The following CCDC102A variants were observed in gnomAD, a reference collection of about 807,000 sequenced individuals.
CCDC102A encodes the protein coiled-coil domain-containing protein 102A.
A neutral mutation model predicts 55.5 loss-of-function variants in CCDC102A; 40 were observed. The observed-to-expected ratio is 0.72, with a 90% CI of 0.56 to 0.94. The LOEUF (loss-of-function observed/expected upper bound fraction) is 0.94, where lower values mean the gene tolerates loss of function less well. Among genes scored for constraint, CCDC102A ranks in the 40% least tolerant of loss-of-function variants. The pLI is 0.00. For synonymous variants in CCDC102A, 323 were observed against 339.0 expected (o/e 0.95, Z 0.52); for missense variants, 779 against 768.6 (o/e 1.01, Z -0.16).
chr16:57,535,662 G>T (rs1188864267), intron 1 of CCDC102A, among the ~76,000 whole-genome samples: 2 of 119,430 alleles, frequency 1.7e-5, no homozygotes, highest in Non-Finnish European at 3.3e-5. Flanking sequence ...CGGCAACACC[G>T]TGAACTCTTC....
intron 1 of CCDC102A, among the ~76,000 whole-genome samples, chr16:57,530,245 C>T (rs1191116035): frequency 1.3e-5 from 2 of 152,154 alleles, no homozygotes; most frequent in Admixed American, 6.5e-5. Flanking sequence ...TTCAGCCTCC[C>T]CATCGCCCAG....
chr16:57,515,407 C>T lies in CCDC102A; in HGVS notation c.1457G>A (p.Arg486Gln), dbSNP rs755446173. ...EAHNQARKLQ[R>Q]SLDEQTEQSE... ...CTGCTCCGTCTGCTCGTCCAGCGACCGCTGCAGCTTACGTGCCTGGTTGTG... is the reference window on the plus strand; with the variant it reads ...CTGCTCCGTCTGCTCGTCCAGCGACTGCTGCAGCTTACGTGCCTGGTTGTG... Residue 486 changes from arginine to glutamine, a missense_variant, in exon 8 of 9, where the codon CGG becomes CAG. Arg to Gln is a conservative substitution (Grantham distance 43). Transcript: ENST00000258214. 5 of 1,609,062 alleles carry T rather than the reference C, an allele frequency of 3.1e-6. No homozygotes were observed. The highest frequency in any genetic ancestry group is 4.2e-6 in the Non-Finnish European group (5 of 1,179,104).
At chr16:57,521,009 G>A (rs969247358) in intron 4 of CCDC102A, 59 bp downstream of exon 4, 115 of 1,074,152 alleles carry the variant, frequency 1.1e-4, no homozygotes, top group Non-Finnish European at 1.4e-4. Context: ...CTCCACTACT[G>A]AAATTCAACA....
chr16:57,512,217 C>T lies in CCDC102A; in HGVS notation c.*524G>A. 2.6e-6 allele frequency: 1 copy of T among 390,612 alleles called. No homozygotes were observed. Among genetic ancestry groups the T allele is most frequent in the Non-Finnish European group, 4.5e-6 (1 of 221,822 alleles). The allele number at this position is 390,612 out of a possible 1,614,324, so 24.2% of individuals were successfully genotyped here. ...TCATTTATTAAGTTACTTGACATTC[C>T]TGAGCTCTGGTTCAGCGTCAGGTGC... On this transcript the variant is annotated 3_prime_UTR_variant, in exon 9 of 9. Coordinates refer to ENST00000258214, the MANE Select transcript of CCDC102A (RefSeq NM_033212.4).
In CCDC102A at chr16:57,528,754, C is replaced by A. The variant is rs781545736; in HGVS notation, c.424G>T (p.Glu142Ter). ...CACTCGCCCTGCGCCTCTTGGCGCT[C>A]GCGCCGTGCGCCCGCCAGCTCCTTG... is the stretch of plus-strand genomic sequence containing the variant. ...LTKELAGARR[E>*]RQEAQGECEA... The change falls in exon 2 of 9, where the codon GAG becomes TAG. Residue 142 changes from glutamate to a stop codon, truncating the protein, a stop_gained. Coordinates refer to ENST00000258214, the MANE Select transcript of CCDC102A (RefSeq NM_033212.4). LOFTEE classifies it high-confidence loss of function. The A allele has an allele frequency of 2.0e-5, 24 of 1,175,774 alleles. No individual in the cohort carries two copies. The highest frequency in any genetic ancestry group is 2.5e-5 in the Non-Finnish European group (24 of 944,464). 72.8% of individuals were successfully genotyped at this position (1,175,774 alleles called of 1,614,324 possible).
intron 8 of CCDC102A, among the ~76,000 whole-genome samples, chr16:57,514,805 G>A (rs1315264495): frequency 6.6e-6 from 1 of 152,124 alleles, no homozygotes; most frequent in Non-Finnish European, 1.5e-5. Flanking sequence ...GGAGGGACGT[G>A]GACTGAAGTT....
At chr16:57,515,917 A>C (rs2031946632) in intron 7 of CCDC102A, among the ~76,000 whole-genome samples, 1 of 151,624 alleles carries the variant, frequency 6.6e-6, no homozygotes, top group African/African-American at 2.4e-5. Context: ...CCACTGACCC[A>C]GTCAGCTGTC....
chr16:57,529,366 A>G lies in CCDC102A; in HGVS notation c.-147-42T>C. The stretch of plus-strand genomic sequence containing the variant: ...CCGTTATTGGACTGCGACCACCGTC[A>G]GTCTCGAAGATCAGCCGCGCCAAGG... On this transcript the variant is annotated intron_variant, in intron 1 of 8. Transcript: ENST00000258214. The surrounding 1 kb of genome is among the most constrained non-coding windows in gnomAD (Gnocchi z 4.1). 1 of 716,600 alleles carries G rather than the reference A, an allele frequency of 1.4e-6. No homozygotes were observed. Among genetic ancestry groups the G allele is most frequent in the Non-Finnish European group, 1.8e-6 (1 of 555,244 alleles). The allele number at this position is 716,600 out of a possible 1,614,324, so 44.4% of individuals were successfully genotyped here.
At chr16:57,534,662 G>A (rs1483244124) in intron 1 of CCDC102A, among the ~76,000 whole-genome samples, 1 of 152,160 alleles carries the variant, frequency 6.6e-6, no homozygotes, top group Non-Finnish European at 1.5e-5. Context: ...CGTGATGGAT[G>A]GAAGGTACCC....
chr16:57,533,614 G>A (rs568746903), intron 1 of CCDC102A, among the ~76,000 whole-genome samples: 5 of 145,842 alleles, frequency 3.4e-5, no homozygotes, highest in South Asian at 4.4e-4. Context: ...CCAGGGACCC[G>A]CACTCACACA....
intron 1 of CCDC102A, among the ~76,000 whole-genome samples, chr16:57,530,353 C>T (rs1034465528): frequency 5.3e-5 from 8 of 152,212 alleles, no homozygotes; most frequent in African/African-American, 1.9e-4. Flanking sequence ...ACTGCGGCCT[C>T]TGTTGACTGC....
In CCDC102A at chr16:57,529,375, G is replaced by T. The variant is rs2032209924; in HGVS notation, c.-147-51C>A. The T allele has an allele frequency of 3.4e-6, 2 of 594,670 alleles. No homozygotes were observed. The highest frequency in any genetic ancestry group is 6.9e-5 in the East Asian group (1 of 14,572). 36.8% of individuals were successfully genotyped at this position (594,670 alleles called of 1,614,324 possible). On this transcript the variant is annotated intron_variant, in intron 1 of 8. Transcript: ENST00000258214. The surrounding 1 kb of genome is among the most constrained non-coding windows in gnomAD (Gnocchi z 4.1). The stretch of plus-strand genomic sequence containing the variant: ...GACTGCGACCACCGTCAGTCTCGAA[G>T]ATCAGCCGCGCCAAGGCCCTGGCGG...
chr16:57,535,653 G>A (rs1347952727), intron 1 of CCDC102A, among the ~76,000 whole-genome samples: 1 of 121,884 alleles, frequency 8.2e-6, no homozygotes, highest in Non-Finnish European at 1.6e-5. Flanking sequence ...CACCCCTCTC[G>A]GCAACACCGT....
chr16:57,516,416 G>A lies in CCDC102A; in HGVS notation c.1296C>T (p.Phe432=), dbSNP rs1393769598. Residue 432 remains phenylalanine, a synonymous_variant, in exon 7 of 9, where the codon TTC becomes TTT. Coordinates refer to ENST00000258214, the MANE Select transcript of CCDC102A (RefSeq NM_033212.4). The surrounding 1 kb of genome is among the most constrained non-coding windows in gnomAD (Gnocchi z 4.4). ...GTGCCAGCTCTGCCACCTTCTCCTG[G>A]AACTGCTTCTTCAGCTTGCCATGCA... The part of the protein sequence containing the change: ...KHVHGKLKKQ[F]QEKVAELAHA... 6.2e-7 allele frequency: 1 copy of A among 1,609,074 alleles called. No homozygotes were observed. The highest frequency in any genetic ancestry group is 1.1e-5 in the South Asian group (1 of 91,056).
In CCDC102A at chr16:57,516,521, C is replaced by T; in HGVS notation, c.1249-58G>A. 1 of 1,502,152 alleles carries T rather than the reference C, an allele frequency of 6.7e-7. No individual in the cohort carries two copies. The allele number at this position is 1,502,152 out of a possible 1,614,324, so 93.1% of individuals were successfully genotyped here. A position where few individuals can be genotyped will look rare whatever the true frequency, so the allele number is the denominator to read the frequency against. ...AGGGAATCAGTATCAGCTTGGGCGC[C>T]ATGCCAGGGAGTCCCACGAGGTCAG... On this transcript the variant is annotated intron_variant, in intron 6 of 8. Transcript: ENST00000258214. The surrounding 1 kb of genome is among the most constrained non-coding windows in gnomAD (Gnocchi z 4.4).
chr16:57,526,205 C>T, intron 2 of CCDC102A, 78 bp from the exon 3 acceptor site: 2 of 1,060,692 alleles, frequency 1.9e-6, no homozygotes, highest in Admixed American at 5.6e-5. Flanking sequence ...GATGGGTAAC[C>T]TTGGGCAAGT....
In CCDC102A at chr16:57,518,622, C is replaced by T. The variant is rs1312353540; in HGVS notation, c.1038+3G>A. ...TCCTCCTGGGTCCCATCCATGGCCTCACCTCGCCCCTCAGCTCGGCCATTT... is the reference window on the plus strand; with the variant it reads ...TCCTCCTGGGTCCCATCCATGGCCTTACCTCGCCCCTCAGCTCGGCCATTT... On this transcript the variant is annotated splice_donor_region_variant and intron_variant, in intron 5 of 8. Coordinates refer to ENST00000258214, the MANE Select transcript of CCDC102A (RefSeq NM_033212.4). 1.2e-6 allele frequency: 2 copies of T among 1,611,480 alleles called. No individual in the cohort carries two copies. Among genetic ancestry groups the T allele is most frequent in the East Asian group, 2.2e-5 (1 of 44,866 alleles).
chr16:57,525,797 T>C, intron 3 of CCDC102A, 104 bp downstream of exon 3: 1 of 1,052,590 alleles, frequency 9.5e-7, no homozygotes, highest in East Asian at 2.6e-5. Flanking sequence ...AGATACAGTC[T>C]AAACACTACC....
chr16:57,526,043 C>CCCCAGCCCCCAGGCTGCGCGCCT lies in CCDC102A; in HGVS notation c.647_669dup (p.Gly224ArgfsTer37), dbSNP rs1567604627. 2 of 1,595,422 alleles carry CCCCAGCCCCCAGGCTGCGCGCCT rather than the reference C, an allele frequency of 1.3e-6. No homozygotes were observed. The highest frequency in any genetic ancestry group is 1.7e-6 in the Non-Finnish European group (2 of 1,173,414). ...TGGCGGCCTGAGCTGCCCCGCGGGC[C>CCCCAGCCCCCAGGCTGCGCGCCT]CCCAGCCCCCAGGCTGCGCGCCTCC... On this transcript the variant is annotated frameshift_variant, in exon 3 of 9. Coordinates refer to ENST00000258214, the MANE Select transcript of CCDC102A (RefSeq NM_033212.4). LOFTEE classifies it high-confidence loss of function.
Sources: allele counts gnomAD v4.1 joint callset (sites outside exome capture counted in the v4.1 genomes callset), GRCh38; gene constraint gnomAD v4.1.1; non-coding constraint Gnocchi (gnomAD v3.1); transcripts MANE v1.5; gene names NCBI Gene and HGNC (gene_info 2026-07-23, HGNC 2026-07-21).